The following MAN1A2 variants were observed in gnomAD, a reference collection of about 807,000 sequenced individuals.
The protein encoded by MAN1A2 is mannosyl-oligosaccharide 1,2-alpha-mannosidase IB.
A neutral mutation model predicts 75.7 loss-of-function variants in MAN1A2; 26 were observed. The ratio of observed to expected loss-of-function variants is 0.34; its 90% CI spans 0.25 to 0.48. MAN1A2 has a LOEUF of 0.48. MAN1A2 is among the 20% of genes least tolerant of loss of function. The pLI is 0.99. For missense variants in MAN1A2, 562 were observed against 775.5 expected (o/e 0.72, Z 3.27); for synonymous variants, 247 against 264.6 (o/e 0.93, Z 0.65).
Position 117,526,902 on chromosome 1 carries a change from A to G in MAN1A2, c.*3945A>G, listed in dbSNP as rs1025308108. On this transcript the variant is annotated 3_prime_UTR_variant, in exon 13 of 13. Transcript: ENST00000356554. ...TCTCTATATATATATATATATATAT[A>G]TATATATGAGAGATATATGAGATAT... The G allele has an allele frequency of 7.0e-6, 1 of 143,088 alleles. No homozygotes were observed. Among genetic ancestry groups the G allele is most frequent in the African/African-American group, 2.6e-5 (1 of 38,928 alleles). 8.9% of individuals were successfully genotyped at this position (143,088 alleles called of 1,614,324 possible).
At chr1:117,505,969 G>A (rs933339208) in intron 12 of MAN1A2, among the ~76,000 whole-genome samples, 1 of 151,080 alleles carries the variant, frequency 6.6e-6, no homozygotes, top group African/African-American at 2.4e-5. Context: ...GTGATCTTAG[G>A]GAAGATACAA....
intron 6 of MAN1A2, among the ~76,000 whole-genome samples, chr1:117,456,661 A>G (rs1336521454): frequency 1.3e-5 from 2 of 152,040 alleles, no homozygotes. Flanking sequence ...TCTCAATTCT[A>G]AATTTTTGCA....
intron 1 of MAN1A2, among the ~76,000 whole-genome samples, chr1:117,389,821 G>A (rs1653661943): frequency 6.6e-6 from 1 of 151,634 alleles, no homozygotes; most frequent in Non-Finnish European, 1.5e-5. Context: ...TCACCCTTGA[G>A]TATGATGGCT....
chr1:117,467,026 C>T (rs1650002426), intron 8 of MAN1A2, among the ~76,000 whole-genome samples: 1 of 152,052 alleles, frequency 6.6e-6, no homozygotes, highest in African/African-American at 2.4e-5. Context: ...AAAATGATTC[C>T]CTCTGCCTGA....
chr1:117,410,566 T>A (rs1026826554), intron 3 of MAN1A2, among the ~76,000 whole-genome samples: 4 of 151,572 alleles, frequency 2.6e-5, no homozygotes, highest in Admixed American at 2.6e-4. Flanking sequence ...CCTCTCACTT[T>A]TATGTAACAT....
chr1:117,501,670 TAGAGA>T (rs1456603029), intron 11 of MAN1A2, among the ~76,000 whole-genome samples: 5 of 151,784 alleles, frequency 3.3e-5, no homozygotes, highest in African/African-American at 9.7e-5. Flanking sequence ...TAGAATATAT[TAGAGA>T]AAAGCACCAA....
intron 6 of MAN1A2, among the ~76,000 whole-genome samples, chr1:117,458,848 C>T (rs61805794): frequency 0.22 from 32,819 of 151,692 alleles, 4,643 homozygotes; most frequent in East Asian, 0.42. Context: ...TATACTTCTC[C>T]CAAAAAATAA....
chr1:117,411,473 A>C (rs1030888676), intron 3 of MAN1A2, among the ~76,000 whole-genome samples: 1 of 151,832 alleles, frequency 6.6e-6, no homozygotes, highest in Non-Finnish European at 1.5e-5. Context: ...AAAAAATTTC[A>C]GTAGAAAACA....
At chr1:117,458,849 C>G (rs1484445240) in intron 6 of MAN1A2, among the ~76,000 whole-genome samples, 1 of 151,860 alleles carries the variant, frequency 6.6e-6, no homozygotes, top group African/African-American at 2.4e-5. Flanking sequence ...ATACTTCTCC[C>G]AAAAAATAAG....
At chr1:117,474,646 A>C (rs1252471832) in intron 8 of MAN1A2, among the ~76,000 whole-genome samples, 1 of 151,958 alleles carries the variant, frequency 6.6e-6, no homozygotes, top group Non-Finnish European at 1.5e-5. Context: ...ATTTGGACTA[A>C]TTCCAAATAT....
intron 5 of MAN1A2, among the ~76,000 whole-genome samples, chr1:117,425,720 C>CA (rs1648346706): frequency 6.6e-6 from 1 of 152,098 alleles, no homozygotes; most frequent in South Asian, 2.1e-4. Context: ...AGGGCATCTA[C>CA]AAAAAACCTA....
rs149791745 is a variant in MAN1A2 at position 117,391,198 on chromosome 1, A to G, written c.303-10988A>G. ...GGTCTGAATACTTTTAATTTCATTG[A>G]AACTTGTTTTATGACCTAGAAAATG... On this transcript the variant is annotated intron_variant, in intron 1 of 12. Transcript: ENST00000356554. 5.3e-5 allele frequency among the ~76,000 whole-genome samples: 8 copies of G among 152,286 alleles called. No individual in the cohort carries two copies. The East Asian group carries it at 1.5e-3, about 29-fold the overall frequency.
At chr1:117,381,494 G>T (rs1004371509) in intron 1 of MAN1A2, among the ~76,000 whole-genome samples, 5 of 151,982 alleles carry the variant, frequency 3.3e-5, no homozygotes, top group Non-Finnish European at 7.4e-5. Flanking sequence ...TTTCATCCAT[G>T]TCCCTACAAA....
rs1328562004 is a variant in MAN1A2, at chr1:117,414,812, A to G, written c.755A>G (p.Asp252Gly). The G allele has an allele frequency of 6.3e-7, 1 of 1,599,270 alleles. No individual in the cohort carries two copies. Among genetic ancestry groups the G allele is most frequent in the East Asian group, 2.2e-5 (1 of 44,688 alleles). ...CTAGATGGGCAAAGATGGATTGAAGACAACCTTGATTTCAGTGTGGTGAGT... is the reference window on the plus strand; with the variant it reads ...CTAGATGGGCAAAGATGGATTGAAGGCAACCTTGATTTCAGTGTGGTGAGT... ...EFLDGQRWIE[D>G]NLDFSVNSEV... The change falls in exon 4 of 13, where the codon GAC becomes GGC. Residue 252 changes from aspartate (D) to glycine (G), a missense_variant. Coordinates refer to ENST00000356554, the MANE Select transcript of MAN1A2 (RefSeq NM_006699.5).
rs144879328 is a variant in MAN1A2 at position 117,452,252 on chromosome 1, A to T, written c.951-8237A>T. Among the ~76,000 whole-genome samples the T allele has an allele frequency of 3.8e-3, 580 of 151,918 alleles. 7 individuals are homozygous for T. The highest frequency in any genetic ancestry group is 0.013 in the African/African-American group (551 of 41,416). The stretch of plus-strand genomic sequence containing the variant: ...AACCTGGGAGGCGGAGGTTGCAGTG[A>T]GCTAAGATTGCGCCACTGCACGCCA... On this transcript the variant is annotated intron_variant, in intron 6 of 12. Coordinates refer to ENST00000356554, the MANE Select transcript of MAN1A2 (RefSeq NM_006699.5).
At chr1:117,497,777 C>T (rs1172926396) in intron 10 of MAN1A2, among the ~76,000 whole-genome samples, 1 of 151,736 alleles carries the variant, frequency 6.6e-6, no homozygotes, top group Non-Finnish European at 1.5e-5. Context: ...ACTAGACCTT[C>T]CAAGGTTTTC....
At chr1:117,495,935 G>A (rs1290544) in intron 9 of MAN1A2, among the ~76,000 whole-genome samples, 89,641 of 151,592 alleles carry the variant, frequency 0.59, 26,765 homozygotes, top group Admixed American at 0.69. Flanking sequence ...ATTCATTTAT[G>A]AAATTACTTA....
chr1:117,490,727 C>T (rs894775974), intron 8 of MAN1A2, among the ~76,000 whole-genome samples: 3 of 152,080 alleles, frequency 2.0e-5, no homozygotes, highest in Admixed American at 6.6e-5. Flanking sequence ...GGCTAAGCCT[C>T]TTGCACCAGT....
At chr1:117,442,130 T>C in intron 5 of MAN1A2, 101 bp from the exon 6 acceptor site, 1 of 723,712 alleles carries the variant, frequency 1.4e-6, no homozygotes, top group South Asian at 1.8e-5. Context: ...TGTGCTCCCG[T>C]GTACCCAGTA....
Sources: gnomAD v4.1 joint callset for allele counts (sites outside exome capture counted in the v4.1 genomes callset) on GRCh38, gnomAD v4.1.1 for gene constraint, MANE v1.5 for transcripts, NCBI Gene and HGNC (gene_info 2026-07-23, HGNC 2026-07-21) for gene names.